The following NFIX variants were observed in gnomAD, a reference collection of about 807,000 sequenced individuals.
The protein encoded by NFIX is nuclear factor I X, also known as nuclear factor 1 X-type.
NFIX carries 2 observed loss-of-function variants against 53.3 expected under a neutral mutation model. The observed-to-expected ratio is 0.04, with a 90% CI of 0.02 to 0.12. NFIX has a LOEUF of 0.12. Among genes scored for constraint, NFIX ranks in the 10% least tolerant of loss-of-function variants. NFIX has a pLI of 1.00. For synonymous variants in NFIX, 244 were observed against 289.0 expected (o/e 0.84, Z 1.58); for missense variants, 310 against 674.5 (o/e 0.46, Z 5.99).
rs745541173 is a variant in NFIX, at chr19:13,023,823, TG to T, written c.28-1188del. ...TTTCCCCCTTCTGTGCAATGGAGCA[TG>T]GGGGGGGGGAGGAGGGGGAAGGGTT... On this transcript the variant is annotated intron_variant, in intron 1 of 10. Coordinates refer to ENST00000592199, the MANE Select transcript of NFIX (RefSeq NM_001365902.3). The T allele has an allele frequency of 5.6e-3, 670 of 120,596 alleles. 6 individuals are homozygous for T. Among genetic ancestry groups the T allele is most frequent in the South Asian group, 0.034 (117 of 3,412 alleles). 7.5% of individuals were successfully genotyped at this position (120,596 alleles called of 1,614,324 possible).
Position 13,036,339 on chromosome 19 carries a change from C to T in NFIX, c.559+10787C>T, listed in dbSNP as rs2145242422. 6.6e-6 allele frequency among the ~76,000 whole-genome samples: 1 copy of T among 152,242 alleles called. No homozygotes were observed. The highest frequency in any genetic ancestry group is 2.1e-4 in the South Asian group (1 of 4,820). On this transcript the variant is annotated intron_variant, in intron 2 of 10. Coordinates refer to ENST00000592199, the MANE Select transcript of NFIX (RefSeq NM_001365902.3). This position sits in a 1 kb window ranked among gnomAD's most constrained non-coding sequence, Gnocchi z 4.7. ...TCATAATTGTTTGTTTTGGGTTTAA[C>T]AATACAGCAGGGAGAAGAGTGGCAG... is the stretch of plus-strand genomic sequence containing the variant.
intron 8 of NFIX, among the ~76,000 whole-genome samples, chr19:13,083,415 C>G (rs1240653862): frequency 2.0e-5 from 3 of 152,182 alleles, no homozygotes; most frequent in East Asian, 3.9e-4. Context: ...GGAGCCAAAC[C>G]TAACCACAGA....
chr19:13,091,281 C>T (rs1328602738), intron 10 of NFIX, among the ~76,000 whole-genome samples: 2 of 151,952 alleles, frequency 1.3e-5, no homozygotes, highest in Admixed American at 6.6e-5. Flanking sequence ...CCCCTGGGGC[C>T]ACCTCTCATC....
At position 13,095,380 on chromosome 19, in the gene NFIX, C is replaced by T. The variant is rs1246795603; in HGVS notation, c.*731C>T. 1.3e-5 allele frequency: 2 copies of T among 152,396 alleles called. No homozygotes were observed. The highest frequency in any genetic ancestry group is 2.9e-5 in the Non-Finnish European group (2 of 68,186). 9.4% of individuals were successfully genotyped at this position (152,396 alleles called of 1,614,324 possible). ...GGTGTTCTGACACCCCACCCTGAGC[C>T]GCAAGAGCAGTCCTGGGGCCCTGGA... On this transcript the variant is annotated 3_prime_UTR_variant, in exon 11 of 11. Coordinates refer to ENST00000592199, the MANE Select transcript of NFIX (RefSeq NM_001365902.3).
chr19:13,083,272 C>T (rs751502045), intron 8 of NFIX, among the ~76,000 whole-genome samples: 3 of 152,204 alleles, frequency 2.0e-5, no homozygotes, highest in African/African-American at 7.2e-5. Context: ...GCCCAGCCCC[C>T]AAGGGGCCTG....
At chr19:13,019,723 G>GTTTTTTTTTTTT (rs1414490273) in intron 1 of NFIX, among the ~76,000 whole-genome samples, 3 of 115,792 alleles carry the variant, frequency 2.6e-5, no homozygotes, top group African/African-American at 6.9e-5. Flanking sequence ...TTTTTTTTTT[G>GTTTTTTTTTTTT]TTTGTTTGTT....
intron 1 of NFIX, among the ~76,000 whole-genome samples, chr19:13,020,128 T>C (rs1479597847): frequency 6.6e-6 from 1 of 152,152 alleles, no homozygotes; most frequent in Non-Finnish European, 1.5e-5. Flanking sequence ...TGGTCTTTGG[T>C]GCAGGATGTA....
intron 1 of NFIX, among the ~76,000 whole-genome samples, chr19:13,010,402 A>T (rs991374949): frequency 6.6e-6 from 1 of 152,238 alleles, no homozygotes; most frequent in South Asian, 2.1e-4. Flanking sequence ...GGACGTGCGC[A>T]CGCACATAAG....
At position 13,031,306 on chromosome 19, in the gene NFIX, G is replaced by A. The variant is rs28670032; in HGVS notation, c.559+5754G>A. On this transcript the variant is annotated intron_variant, in intron 2 of 10. Transcript: ENST00000592199. ...TTGTCGGAGCTTGAGCCAGCAAAGCGCCGACCGTGAACAAGCCAGAGGGGA... is the reference window on the plus strand; with the variant it reads ...TTGTCGGAGCTTGAGCCAGCAAAGCACCGACCGTGAACAAGCCAGAGGGGA... 7.9e-3 allele frequency among the ~76,000 whole-genome samples: 1,196 copies of A among 152,176 alleles called. 14 individuals carry two copies. The highest frequency in any genetic ancestry group is 0.028 in the African/African-American group (1,162 of 41,500).
chr19:13,058,787 A>G (rs1020816982), intron 2 of NFIX, among the ~76,000 whole-genome samples: 1 of 152,116 alleles, frequency 6.6e-6, no homozygotes. Flanking sequence ...ACCCAGCTTT[A>G]TGAAACCATT....
chr19:13,059,839 A>T (rs1171996352), intron 2 of NFIX, among the ~76,000 whole-genome samples: 1 of 125,620 alleles, frequency 8.0e-6, no homozygotes, highest in African/African-American at 3.1e-5. Context: ...GCTGGAGTGC[A>T]GTGGTGCGAT....
intron 1 of NFIX, among the ~76,000 whole-genome samples, chr19:12,997,778 G>T (rs1414557903): frequency 2.6e-5 from 4 of 152,254 alleles, no homozygotes; most frequent in African/African-American, 9.6e-5. Flanking sequence ...CACCCTGGGA[G>T]AGAAAATGCC....
At chr19:13,018,707 C>T (rs1282315574) in intron 1 of NFIX, among the ~76,000 whole-genome samples, 1 of 152,260 alleles carries the variant, frequency 6.6e-6, no homozygotes, top group Non-Finnish European at 1.5e-5. Flanking sequence ...CTGCCCAGTG[C>T]TGCCGCTGCG....
chr19:12,997,857 G>T (rs1289894364), intron 1 of NFIX, among the ~76,000 whole-genome samples: 2 of 152,226 alleles, frequency 1.3e-5, no homozygotes. Flanking sequence ...GATGGCCGGT[G>T]CTTGGCTCTG....
chr19:13,038,617 A>T (rs1401424534), intron 2 of NFIX, among the ~76,000 whole-genome samples: 1 of 152,260 alleles, frequency 6.6e-6, no homozygotes, highest in Non-Finnish European at 1.5e-5. Context: ...CATATGTGAA[A>T]TGTAATCATG....
intron 2 of NFIX, among the ~76,000 whole-genome samples, chr19:13,054,323 C>A (rs2015515823): frequency 6.6e-6 from 1 of 152,228 alleles, no homozygotes. Context: ...AAAATAACCA[C>A]CCCTTGGGGC....
chr19:13,079,786 C>T (rs551397121), intron 7 of NFIX, among the ~76,000 whole-genome samples: 1 of 152,352 alleles, frequency 6.6e-6, no homozygotes, highest in Non-Finnish European at 1.5e-5. Context: ...CCTCAGCCCC[C>T]TAATGAAACC....
intron 7 of NFIX, among the ~76,000 whole-genome samples, chr19:13,080,699 G>A (rs1354610470): frequency 1.3e-5 from 2 of 152,108 alleles, no homozygotes; most frequent in African/African-American, 4.8e-5. Flanking sequence ...GCGAGATCCT[G>A]TCTCTATTTA....
At chr19:12,997,739 G>T (rs1180482905) in intron 1 of NFIX, among the ~76,000 whole-genome samples, 2 of 152,218 alleles carry the variant, frequency 1.3e-5, no homozygotes, top group Non-Finnish European at 1.5e-5. Flanking sequence ...CATGGCTTGG[G>T]TGAGACACCA....
Sources: gnomAD v4.1 joint callset for allele counts (sites outside exome capture counted in the v4.1 genomes callset) on GRCh38, gnomAD v4.1.1 for gene constraint, Gnocchi (gnomAD v3.1) non-coding constraint, MANE v1.5 for transcripts, NCBI Gene and HGNC (gene_info 2026-07-23, HGNC 2026-07-21) for gene names.